DAAM2: variants seen among roughly 807,000 people sequenced by gnomAD.
DAAM2 encodes disheveled-associated activator of morphogenesis 2.
In DAAM2, 39 loss-of-function variants were observed where a neutral mutation model predicts 120.7. The ratio of observed to expected loss-of-function variants is 0.32; its 90% CI spans 0.25 to 0.42. The LOEUF is 0.42. Ranked by LOEUF, DAAM2 falls within the 10% of genes least tolerant of loss-of-function variation. The pLI, the probability that DAAM2 is intolerant of heterozygous loss-of-function variation, is 1.00. For missense variants in DAAM2, 1,283 were observed against 1,401.7 expected, an observed-to-expected ratio of 0.92 and a Z score of 1.35; for synonymous variants, 488 against 524.9, an observed-to-expected ratio of 0.93 and a Z score of 0.96.
chr6:39,887,879 C>A, intron 16 of DAAM2: 1 of 395,116 alleles, frequency 2.5e-6, no homozygotes, highest in Non-Finnish European at 4.7e-6. Flanking sequence ...GCAGCATGAT[C>A]TCAGCCCCTA....
chr6:39,828,499 T>G (rs1414883566), intron 1 of DAAM2, among the ~76,000 whole-genome samples: 1 of 152,068 alleles, frequency 6.6e-6, no homozygotes, highest in Non-Finnish European at 1.5e-5. Flanking sequence ...GGAAGAACAC[T>G]GTGTCCTTAC....
chr6:39,823,119 C>A (rs1170552875), intron 1 of DAAM2: 3 of 152,138 alleles, frequency 2.0e-5, no homozygotes, highest in South Asian at 4.1e-4. Flanking sequence ...TGTTTCTGTG[C>A]AAGTTGGCAC....
chr6:39,883,565 G>C (rs1272959110), intron 14 of DAAM2: 4 of 184,068 alleles, frequency 2.2e-5, no homozygotes, highest in Admixed American at 5.5e-5. Flanking sequence ...GGCTGCCAAG[G>C]ACAGGGGTGA....
At chr6:39,873,669 C>T (rs763906295) in intron 10 of DAAM2, among the ~76,000 whole-genome samples, 11 of 152,202 alleles carry the variant, frequency 7.2e-5, no homozygotes, top group Non-Finnish European at 1.5e-4. Flanking sequence ...GGGGAGAGAT[C>T]AGTCATGCTG....
intron 11 of DAAM2, among the ~76,000 whole-genome samples, chr6:39,877,851 G>A (rs990804275): frequency 6.6e-5 from 10 of 152,178 alleles, no homozygotes; most frequent in Non-Finnish European, 1.2e-4. Context: ...ACAAGGAGGT[G>A]CAAGTCATGA....
At chr6:39,841,355 G>T (rs946295453) in intron 1 of DAAM2, among the ~76,000 whole-genome samples, 2 of 147,064 alleles carry the variant, frequency 1.4e-5, no homozygotes. Flanking sequence ...AGAGGCTCCA[G>T]GGGGAGGGAG....
At chr6:39,871,628 C>T in intron 9 of DAAM2, 56 bp downstream of exon 9, 2 of 1,480,356 alleles carry the variant, frequency 1.4e-6, no homozygotes, top group Admixed American at 4.0e-5. Context: ...TCTTGGTGGC[C>T]CCACAGCCAC....
intron 15 of DAAM2, chr6:39,887,285 A>C (rs564138827): frequency 2.0e-4 from 108 of 536,844 alleles, no homozygotes; most frequent in African/African-American, 1.9e-3. Flanking sequence ...TCCCCAACCC[A>C]TTGGAGCCTA....
chr6:39,879,359 G>A lies in DAAM2; in HGVS notation c.1727G>A (p.Gly576Asp). 1.2e-6 allele frequency: 2 copies of A among 1,611,212 alleles called. No individual in the cohort carries two copies. The highest frequency in any genetic ancestry group is 8.5e-7 in the Non-Finnish European group (1 of 1,178,578). The change falls in exon 14 of 25, where the codon GGC becomes GAC. Residue 576 changes from glycine (G) to aspartate (D), a missense_variant. Coordinates refer to ENST00000274867, the MANE Select transcript of DAAM2 (RefSeq NM_001201427.2). ...CCCCCAGGTGCCCCACCTTGCCTCGGCATGGGCCTGCCCCTCCCTCAGGAC... is the reference window on the plus strand; with the variant it reads ...CCCCCAGGTGCCCCACCTTGCCTCGACATGGGCCTGCCCCTCCCTCAGGAC... ...PTPPGAPPCLGMGLPLPQDPY... is the reference protein window; with the variant it reads ...PTPPGAPPCLDMGLPLPQDPY...
chr6:39,809,271 T>C lies in DAAM2; in HGVS notation c.-57+16806T>C, dbSNP rs1762096590. On this transcript the variant is annotated intron_variant, in intron 1 of 24. Transcript: ENST00000274867. ...GCTTAGCAGAAACGTAATGGGGGAG[T>C]GGGCACTCTGAAATTTCAGGGACTT... Among the ~76,000 whole-genome samples, 5 of 151,718 alleles carry C rather than the reference T, an allele frequency of 3.3e-5. No homozygotes were observed. The South Asian group carries it at 1.0e-3, about 32-fold the overall frequency.
chr6:39,794,639 G>A (rs748261740), intron 1 of DAAM2, among the ~76,000 whole-genome samples: 3 of 152,134 alleles, frequency 2.0e-5, no homozygotes, highest in Non-Finnish European at 4.4e-5. Context: ...GTGAGAACAT[G>A]TTCTCTCCCC....
intron 1 of DAAM2, among the ~76,000 whole-genome samples, chr6:39,834,107 C>A (rs1212724750): frequency 1.3e-5 from 2 of 152,178 alleles, no homozygotes; most frequent in Non-Finnish European, 2.9e-5. Context: ...GGTAATGGCT[C>A]TTTAGCACTC....
chr6:39,814,835 A>G (rs1297409833), intron 1 of DAAM2, among the ~76,000 whole-genome samples: 1 of 152,228 alleles, frequency 6.6e-6, no homozygotes, highest in Non-Finnish European at 1.5e-5. Flanking sequence ...CTCTTCCTCC[A>G]GGAAGTTTTC....
At chr6:39,811,174 A>AGTGTGTGTGTGTGTGTGTGTGTGT (rs59432565) in intron 1 of DAAM2, among the ~76,000 whole-genome samples, 1 of 146,462 alleles carries the variant, frequency 6.8e-6, no homozygotes, top group African/African-American at 2.6e-5. Context: ...AACTGAAGGG[A>AGTGTGTGTGTGTGTGTGTGTGTGT]GTGTGTGTGT....
chr6:39,885,768 CAGTT>C (rs1442688535), intron 15 of DAAM2: 1 of 152,266 alleles, frequency 6.6e-6, no homozygotes, highest in African/African-American at 2.4e-5. Context: ...CCTCTTCTCT[CAGTT>C]GGTTGTGGGG....
chr6:39,887,420 C>T (rs913181787), intron 15 of DAAM2, 66 bp from the exon 16 acceptor site: 37 of 1,156,436 alleles, frequency 3.2e-5, no homozygotes, highest in East Asian at 2.0e-4. Context: ...GTGGCTCTTG[C>T]GGGGCGGGTA....
At chr6:39,832,730 G>A (rs1005705859) in intron 1 of DAAM2, among the ~76,000 whole-genome samples, 7 of 152,140 alleles carry the variant, frequency 4.6e-5, no homozygotes, top group African/African-American at 1.7e-4. Context: ...TGGTGACCAG[G>A]GAAGGGCCTG....
In DAAM2 at chr6:39,900,091, G is replaced by T. The variant is rs1438763556; in HGVS notation, c.2694G>T (p.Gln898His). The stretch of plus-strand genomic sequence containing the variant: ...TCCCTCCTCAGGAGCTGGAGTATCA[G>T]AGGCGCCAGGTACGGGAGCCCAGTG... Reference protein sequence around the residue: ...LRAVEVELEYQRRQVREPSDK... With the variant: ...LRAVEVELEYHRRQVREPSDK... The change falls in exon 23 of 25, where the codon CAG (glutamine) becomes CAT (histidine). Residue 898 changes from glutamine (Q) to histidine (H), a missense_variant. Gln to His is a conservative substitution (Grantham distance 24, BLOSUM62 0). Coordinates refer to ENST00000274867, the MANE Select transcript of DAAM2 (RefSeq NM_001201427.2). 4.4e-6 allele frequency: 7 copies of T among 1,601,076 alleles called. No individual in the cohort carries two copies. Among genetic ancestry groups the T allele is most frequent in the Non-Finnish European group, 6.0e-6 (7 of 1,173,998 alleles).
intron 1 of DAAM2, among the ~76,000 whole-genome samples, chr6:39,811,125 A>T (rs1250527197): frequency 6.6e-6 from 1 of 151,860 alleles, no homozygotes; most frequent in Non-Finnish European, 1.5e-5. Flanking sequence ...CTCAAGGCAG[A>T]TATTCTTAGA....
Sources: gnomAD v4.1 joint callset for allele counts (sites outside exome capture counted in the v4.1 genomes callset) on GRCh38, gnomAD v4.1.1 for gene constraint, MANE v1.5 for transcripts, NCBI Gene and HGNC (gene_info 2026-07-23, HGNC 2026-07-21) for gene names.